The following SCARB1 variants were observed in gnomAD, a reference collection of about 807,000 sequenced individuals.
SCARB1 encodes the protein CD36 and LIMPII analogous 1.
A neutral mutation model predicts 57.2 loss-of-function variants in SCARB1; 30 were observed. That is an observed-to-expected ratio of 0.52 (90% confidence interval 0.39 to 0.71). SCARB1 has a LOEUF of 0.71. Among genes scored for constraint, SCARB1 ranks in the 30% least tolerant of loss-of-function variants. The pLI is 0.00. For missense variants in SCARB1, 543 were observed against 671.2 expected, an observed-to-expected ratio of 0.81 and a Z score of 2.11; for synonymous variants, 249 against 268.3, an observed-to-expected ratio of 0.93 and a Z score of 0.70.
At chr12:124,832,348 C>G (rs763100160) in intron 1 of SCARB1, among the ~76,000 whole-genome samples, 1 of 152,026 alleles carries the variant, frequency 6.6e-6, no homozygotes, top group African/African-American at 2.4e-5. Context: ...AGTGAAATCC[C>G]GACTCTACTA....
Position 124,811,888 on chromosome 12 carries a change from C to T in SCARB1, c.708G>A (p.Lys236=), listed in dbSNP as rs764600414. ...CCCTCACCTTGCTCAGCCCGTTCCACTTGTCCACGAGGTGGATCCTGCTGA... is the reference window on the plus strand; with the variant it reads ...CCCTCACCTTGCTCAGCCCGTTCCATTTGTCCACGAGGTGGATCCTGCTGA... ...QNISRIHLVD[K]WNGLSKVDFW... Residue 236 remains lysine, a synonymous_variant, in exon 5 of 13, where the codon AAG becomes AAA. Transcript: ENST00000261693. 2.5e-6 allele frequency: 4 copies of T among 1,612,780 alleles called. No homozygotes were observed. Among genetic ancestry groups the T allele is most frequent in the Admixed American group, 3.3e-5 (2 of 59,952 alleles).
rs1244955014 is a variant in SCARB1 at position 124,789,518 on chromosome 12, C to T, written c.1203-2061G>A. Among the ~76,000 whole-genome samples, 2 of 152,036 alleles carry T rather than the reference C, an allele frequency of 1.3e-5. No homozygotes were observed. The highest frequency in any genetic ancestry group is 3.9e-4 in the East Asian group (2 of 5,194). On this transcript the variant is annotated intron_variant, in intron 9 of 12. Transcript: ENST00000261693. The surrounding 1 kb of genome is among the most constrained non-coding windows in gnomAD (Gnocchi z 4.4). Reference sequence around the variant, plus strand: ...AGATGGGGAGAGCGTCCTGGAATATCTAGGTGGGTCCATGCAGATATGGTT... The same window carrying T: ...AGATGGGGAGAGCGTCCTGGAATATTTAGGTGGGTCCATGCAGATATGGTT...
rs776364734 is a variant in SCARB1, at chr12:124,807,711, G to A, written c.1009+50C>T. On this transcript the variant is annotated intron_variant, in intron 7 of 12. Transcript: ENST00000261693. This position sits in a 1 kb window ranked among gnomAD's most constrained non-coding sequence, Gnocchi z 5.3. ...CACTGGGCAGATAAACCCTCAGCTG[G>A]CCCCACCCTCACACCCTCCCGCCAT... The A allele has an allele frequency of 1.3e-6, 2 of 1,588,768 alleles. No homozygotes were observed. The highest frequency in any genetic ancestry group is 1.7e-6 in the Non-Finnish European group (2 of 1,158,460).
chr12:124,835,113 C>T (rs748345327), intron 1 of SCARB1, among the ~76,000 whole-genome samples: 6 of 152,016 alleles, frequency 3.9e-5, no homozygotes, highest in African/African-American at 7.3e-5. Context: ...GAGACACTGA[C>T]GGATGAGGCA....
At position 124,814,104 on chromosome 12, in the gene SCARB1, GC is replaced by G; in HGVS notation, c.630+97del. The G allele has an allele frequency of 1.7e-6, 2 of 1,151,386 alleles. No homozygotes were observed. Among genetic ancestry groups the G allele is most frequent in the South Asian group, 2.5e-5 (2 of 81,146 alleles). The allele number at this position is 1,151,386 out of a possible 1,614,324, so 71.3% of individuals were successfully genotyped here. A position where few individuals can be genotyped will look rare whatever the true frequency, so the allele number is the denominator to read the frequency against. ...ACAACCCACAGCCACTAGATCCCCA[GC>G]CAGCTACAAAGCAAGCTGGTGACCA... On this transcript the variant is annotated intron_variant, in intron 4 of 12. Transcript: ENST00000261693. This position sits in a 1 kb window ranked among gnomAD's most constrained non-coding sequence, Gnocchi z 4.7.
chr12:124,815,888 G>A (rs985385883), intron 2 of SCARB1, among the ~76,000 whole-genome samples: 23 of 152,006 alleles, frequency 1.5e-4, no homozygotes, highest in Admixed American at 6.6e-5. Context: ...AAATCAGATC[G>A]TGCCATGCTC....
At chr12:124,846,873 AC>A (rs1952181358) in intron 1 of SCARB1, among the ~76,000 whole-genome samples, 1 of 152,088 alleles carries the variant, frequency 6.6e-6, no homozygotes. Context: ...TCCCACAAAT[AC>A]CATATGAAGT....
At chr12:124,862,938 C>A (rs953153892) in intron 1 of SCARB1, among the ~76,000 whole-genome samples, 9 of 152,228 alleles carry the variant, frequency 5.9e-5, no homozygotes, top group Middle Eastern at 3.2e-3. Context: ...CTGCTGCCTG[C>A]CTCTGCATGA....
chr12:124,854,691 G>A (rs1206140931), intron 1 of SCARB1, among the ~76,000 whole-genome samples: 1 of 152,174 alleles, frequency 6.6e-6, no homozygotes. Context: ...GAGGGAAGTG[G>A]AGAGAACAGA....
intron 8 of SCARB1, among the ~76,000 whole-genome samples, chr12:124,799,337 C>A (rs1164659468): frequency 6.6e-6 from 1 of 152,020 alleles, no homozygotes. Flanking sequence ...CCAGACTGGG[C>A]AACATGGCAA....
At chr12:124,792,542 T>G (rs369164565) in intron 9 of SCARB1, among the ~76,000 whole-genome samples, 15 of 151,898 alleles carry the variant, frequency 9.9e-5, no homozygotes, top group Admixed American at 5.2e-4. Flanking sequence ...GCCAACATGG[T>G]GAAATCCTGT....
At position 124,807,577 on chromosome 12, in the gene SCARB1, C is replaced by A. The variant is rs1047817295; in HGVS notation, c.1009+184G>T. 3.4e-4 allele frequency among the ~76,000 whole-genome samples: 52 copies of A among 152,336 alleles called. No individual in the cohort carries two copies. The highest frequency in any genetic ancestry group is 1.3e-3 in the African/African-American group (52 of 41,588). ...AGTTCATGGCAATATATTGTGACAG[C>A]AACTAATAGACCTGGCATTTCTTCC... On this transcript the variant is annotated intron_variant, in intron 7 of 12. Coordinates refer to ENST00000261693, the MANE Select transcript of SCARB1 (RefSeq NM_005505.5). This position sits in a 1 kb window ranked among gnomAD's most constrained non-coding sequence, Gnocchi z 5.3.
rs542274474 is a variant in SCARB1, at chr12:124,845,943, C to T, written c.126+17652G>A. ...AGAAGAATCGCTTGAACCCGGGAGGCGGAGGTTGCAGTGAGCCAAGATTGC... is the reference window on the plus strand; with the variant it reads ...AGAAGAATCGCTTGAACCCGGGAGGTGGAGGTTGCAGTGAGCCAAGATTGC... On this transcript the variant is annotated intron_variant, in intron 1 of 12. Coordinates refer to ENST00000261693, the MANE Select transcript of SCARB1 (RefSeq NM_005505.5). 1.9e-3 allele frequency among the ~76,000 whole-genome samples: 293 copies of T among 151,982 alleles called. 1 individual carries two copies. Among genetic ancestry groups the T allele is most frequent in the Admixed American group, 5.4e-3 (83 of 15,246 alleles).
chr12:124,844,559 G>A (rs538335696), intron 1 of SCARB1, among the ~76,000 whole-genome samples: 4 of 152,090 alleles, frequency 2.6e-5, no homozygotes, highest in Admixed American at 1.3e-4. Flanking sequence ...CGGTGATTAC[G>A]TTTAAATGAG....
At chr12:124,794,203 A>G (rs1368025009) in intron 9 of SCARB1, among the ~76,000 whole-genome samples, 2 of 152,150 alleles carry the variant, frequency 1.3e-5, no homozygotes, top group Non-Finnish European at 2.9e-5. Context: ...AAATGTTCCA[A>G]AATTGATTGT....
chr12:124,837,027 G>T (rs1320037017), intron 1 of SCARB1, among the ~76,000 whole-genome samples: 1 of 152,124 alleles, frequency 6.6e-6, no homozygotes, highest in Non-Finnish European at 1.5e-5. Context: ...AATGCTGGAA[G>T]GTGCATACAG....
In SCARB1 at chr12:124,813,032, C is replaced by G. The variant is rs535652776; in HGVS notation, c.631-1067G>C. On this transcript the variant is annotated intron_variant, in intron 4 of 12. Transcript: ENST00000261693. ...GATCATTATAATGGACGGAGAGCAT[C>G]AGAAACTGCCAGTTACTACCCAAAG... Among the ~76,000 whole-genome samples, 9 of 152,264 alleles carry G rather than the reference C, an allele frequency of 5.9e-5. No homozygotes were observed. In the South Asian group the frequency reaches 1.9e-3, roughly 32 times the overall value.
At chr12:124,816,135 G>A (rs1393230206) in intron 2 of SCARB1, among the ~76,000 whole-genome samples, 5 of 152,218 alleles carry the variant, frequency 3.3e-5, no homozygotes, top group South Asian at 2.1e-4. Context: ...ATGTGCTCCC[G>A]ACCCTCCAGT....
chr12:124,818,952 G>A (rs907221279), intron 1 of SCARB1, among the ~76,000 whole-genome samples: 2 of 152,058 alleles, frequency 1.3e-5, no homozygotes, highest in Non-Finnish European at 2.9e-5. Context: ...ACTGTGCCTG[G>A]CCTATAAAAA....
Sources: gnomAD v4.1 joint callset for allele counts (sites outside exome capture counted in the v4.1 genomes callset) on GRCh38, gnomAD v4.1.1 for gene constraint, Gnocchi (gnomAD v3.1) non-coding constraint, MANE v1.5 for transcripts, NCBI Gene and HGNC (gene_info 2026-07-23, HGNC 2026-07-21) for gene names.